TNNI3K: variants seen among roughly 807,000 people sequenced by gnomAD.
TNNI3K encodes the protein serine/threonine-protein kinase TNNI3K.
A neutral mutation model predicts 114.5 loss-of-function variants in TNNI3K; 140 were observed. The ratio of observed to expected loss-of-function variants is 1.22; its 90% CI spans 1.07 to 1.41. The LOEUF (loss-of-function observed/expected upper bound fraction) is 1.41. Ranked by LOEUF, TNNI3K falls within the 40% of genes most tolerant of loss-of-function variation. The pLI, the probability that TNNI3K is intolerant of heterozygous loss-of-function variation, is 0.00. For missense variants in TNNI3K, 1,125 were observed against 1,007.6 expected, an observed-to-expected ratio of 1.12 and a Z score of -1.58; for synonymous variants, 347 against 347.5, an observed-to-expected ratio of 1.00 and a Z score of 0.02.
At chr1:74,323,088 CT>C (rs887894679) in intron 5 of TNNI3K, among the ~76,000 whole-genome samples, 19 of 151,530 alleles carry the variant, frequency 1.3e-4, no homozygotes, top group South Asian at 4.2e-4. Flanking sequence ...ATATGTTTAA[CT>C]TTTTTTTTCA....
intron 4 of TNNI3K, among the ~76,000 whole-genome samples, chr1:74,251,171 G>A (rs538136319): frequency 6.6e-6 from 1 of 152,246 alleles, no homozygotes; most frequent in South Asian, 2.1e-4. Context: ...GCACACTGAA[G>A]CTGTATTTCT....
chr1:74,248,306 C>A (rs941246270), intron 2 of TNNI3K, among the ~76,000 whole-genome samples: 1 of 152,042 alleles, frequency 6.6e-6, no homozygotes, highest in Non-Finnish European at 1.5e-5. Context: ...CACCTCCCCA[C>A]AAGCAGAGGG....
At chr1:74,454,211 G>A (rs1196568682) in intron 20 of TNNI3K, among the ~76,000 whole-genome samples, 2 of 151,894 alleles carry the variant, frequency 1.3e-5, no homozygotes, top group Non-Finnish European at 2.9e-5. Flanking sequence ...CATTTCTTTG[G>A]ATTAGGGACA....
chr1:74,280,813 G>T (rs907147988), intron 5 of TNNI3K, among the ~76,000 whole-genome samples: 1 of 152,192 alleles, frequency 6.6e-6, no homozygotes, highest in Non-Finnish European at 1.5e-5. Context: ...AGTGGACTTG[G>T]GGTGCACGTG....
chr1:74,483,277 G>C (rs952962831), intron 21 of TNNI3K: 2 of 717,310 alleles, frequency 2.8e-6, no homozygotes, highest in Admixed American at 4.0e-5. Flanking sequence ...ATATAGGTTA[G>C]CTGGTGACAG....
At chr1:74,285,456 A>G (rs1378444808) in intron 5 of TNNI3K, among the ~76,000 whole-genome samples, 2 of 152,182 alleles carry the variant, frequency 1.3e-5, no homozygotes, top group African/African-American at 4.8e-5. Flanking sequence ...CAAAGCCCAG[A>G]TGAAATGCCA....
At chr1:74,304,216 C>T (rs528368127) in intron 5 of TNNI3K, among the ~76,000 whole-genome samples, 5 of 152,140 alleles carry the variant, frequency 3.3e-5, no homozygotes, top group Non-Finnish European at 5.9e-5. Context: ...TATTGAACAT[C>T]GTTTGCTACA....
chr1:74,393,627 C>CT (rs921248234), intron 17 of TNNI3K, among the ~76,000 whole-genome samples: 4 of 152,092 alleles, frequency 2.6e-5, no homozygotes, highest in East Asian at 3.8e-4. Flanking sequence ...GCTATTTTGA[C>CT]TTTTTTTGGA....
chr1:74,326,910 G>A (rs1659937045), intron 5 of TNNI3K, among the ~76,000 whole-genome samples: 3 of 151,920 alleles, frequency 2.0e-5, no homozygotes, highest in Admixed American at 2.0e-4. Flanking sequence ...GTGAAAACCT[G>A]TCTCTACTAA....
chr1:74,287,720 AAG>A (rs1657420720), intron 5 of TNNI3K, among the ~76,000 whole-genome samples: 2 of 152,188 alleles, frequency 1.3e-5, no homozygotes, highest in South Asian at 4.1e-4. Flanking sequence ...ACAAAGCAAA[AAG>A]AGATTAACAG....
intron 17 of TNNI3K, among the ~76,000 whole-genome samples, chr1:74,424,138 G>A (rs1033533803): frequency 3.3e-5 from 5 of 152,054 alleles, no homozygotes; most frequent in Non-Finnish European, 7.4e-5. Flanking sequence ...GAAAGAGGGA[G>A]GAATCAAGAA....
chr1:74,280,136 A>G (rs1570411161), intron 5 of TNNI3K, among the ~76,000 whole-genome samples: 3 of 152,228 alleles, frequency 2.0e-5, no homozygotes, highest in Admixed American at 2.0e-4. Context: ...TAATCCCACC[A>G]CTTTGGGAGG....
At position 74,527,551 on chromosome 1, in the gene TNNI3K, A is replaced by G. The variant is rs546037884; in HGVS notation, c.2352-12683A>G. On this transcript the variant is annotated intron_variant, in intron 23 of 24. Transcript: ENST00000326637. ...AAAAAAGGAGAACCAGAAAGCCACT[A>G]TGGTGGATAGGGAGGGGAGACAGGG... Among the ~76,000 whole-genome samples, 49 of 152,308 alleles carry G rather than the reference A, an allele frequency of 3.2e-4. No individual in the cohort carries two copies. In the South Asian group the frequency reaches 8.3e-3, roughly 26 times the overall value.
intron 6 of TNNI3K, among the ~76,000 whole-genome samples, chr1:74,335,746 A>G (rs953072861): frequency 2.0e-5 from 3 of 152,140 alleles, no homozygotes; most frequent in Non-Finnish European, 4.4e-5. Flanking sequence ...TCAGTTTGTA[A>G]TGGCTGGAGA....
intron 24 of TNNI3K, among the ~76,000 whole-genome samples, chr1:74,542,354 G>A (rs1168061630): frequency 2.0e-5 from 3 of 152,214 alleles, no homozygotes; most frequent in Non-Finnish European, 4.4e-5. Flanking sequence ...GCTTATGGAA[G>A]CATCTACCTA....
At chr1:74,285,589 T>C (rs531116) in intron 5 of TNNI3K, among the ~76,000 whole-genome samples, 150,883 of 152,250 alleles carry the variant, frequency 0.99, 74,783 homozygotes, top group Middle Eastern at 1. Flanking sequence ...TAGTTTTATT[T>C]GATTATTTTA....
intron 23 of TNNI3K, among the ~76,000 whole-genome samples, chr1:74,502,128 A>C (rs1207627195): frequency 6.6e-6 from 1 of 152,206 alleles, no homozygotes; most frequent in East Asian, 1.9e-4. Flanking sequence ...AAGAGTCAGT[A>C]TGAGAACTTC....
At chr1:74,416,127 T>C (rs1312289763) in intron 17 of TNNI3K, among the ~76,000 whole-genome samples, 3 of 152,154 alleles carry the variant, frequency 2.0e-5, no homozygotes, top group Admixed American at 6.5e-5. Flanking sequence ...CACCAGAGTA[T>C]CTCTGGTTCT....
intron 23 of TNNI3K, among the ~76,000 whole-genome samples, chr1:74,496,241 A>G (rs992992077): frequency 6.6e-6 from 1 of 152,158 alleles, no homozygotes; most frequent in Non-Finnish European, 1.5e-5. Flanking sequence ...CTAATGAGAG[A>G]GGAAAGAGAA....
Sources: allele counts gnomAD v4.1 joint callset (sites outside exome capture counted in the v4.1 genomes callset), GRCh38; gene constraint gnomAD v4.1.1; transcripts MANE v1.5; gene names NCBI Gene and HGNC (gene_info 2026-07-23, HGNC 2026-07-21).